The following TPTE variants were observed in gnomAD, a reference collection of about 807,000 sequenced individuals.
TPTE encodes the protein transmembrane phosphatase with tensin homology, also known as putative tyrosine-protein phosphatase TPTE.
TPTE carries 59 observed loss-of-function variants against 84.1 expected under a neutral mutation model. That is an observed-to-expected ratio of 0.70 (90% CI 0.57 to 0.87). The LOEUF (loss-of-function observed/expected upper bound fraction) is 0.87. Ranked by LOEUF, TPTE falls within the 40% of genes least tolerant of loss-of-function variation. The probability of loss-of-function intolerance (pLI) is 0.00; values close to 1 mark genes in which losing one functional copy is unlikely to be tolerated. For synonymous variants in TPTE, 130 were observed against 223.5 expected (o/e 0.58, Z 3.73); for missense variants, 382 against 659.6 (o/e 0.58, Z 4.61).
At chr21:10,525,574 A>G (rs1269046330) in intron 2 of TPTE, among the ~76,000 whole-genome samples, 1 of 152,312 alleles carries the variant, frequency 6.6e-6, no homozygotes, top group Non-Finnish European at 1.5e-5. Flanking sequence ...TCGGAGACCT[A>G]CTTTTCATTA....
At chr21:10,597,849 G>C (rs1261734114) in intron 20 of TPTE, among the ~76,000 whole-genome samples, 166 bp from the exon 21 acceptor site, 1 of 152,308 alleles carries the variant, frequency 6.6e-6, no homozygotes, top group Non-Finnish European at 1.5e-5. Flanking sequence ...TGGGCTTGAA[G>C]GCTTGTCTTT....
At chr21:10,589,386 T>G (rs1463064955) in intron 17 of TPTE, among the ~76,000 whole-genome samples, 2 of 152,304 alleles carry the variant, frequency 1.3e-5, no homozygotes, top group African/African-American at 2.4e-5. Context: ...GGCTGTGTAC[T>G]TCATCCTTGT....
At chr21:10,584,879 AGTGTGTGTGTGTGTGTGTGT>A (rs56198162) in intron 17 of TPTE, among the ~76,000 whole-genome samples, 5 of 148,852 alleles carry the variant, frequency 3.4e-5, no homozygotes, top group African/African-American at 4.9e-5. Flanking sequence ...ATGCTTTACG[AGTGTGTGTGTGTGTGTGTGT>A]GTGTGTGTGT....
intron 20 of TPTE, 71 bp from the exon 21 acceptor site, chr21:10,597,944 T>C (rs2145794310): frequency 6.4e-7 from 1 of 1,559,904 alleles, no homozygotes; most frequent in African/African-American, 1.4e-5. Flanking sequence ...TAATCCATGA[T>C]GTTAATTGGT....
intron 10 of TPTE, among the ~76,000 whole-genome samples, chr21:10,562,317 A>T (rs1212083596): frequency 1.9e-4 from 29 of 152,290 alleles, no homozygotes; most frequent in Non-Finnish European, 1.3e-4. Flanking sequence ...AGTGAAAACT[A>T]CAATCAATAC....
At chr21:10,554,338 A>C (rs990059856) in intron 8 of TPTE, among the ~76,000 whole-genome samples, 2 of 152,308 alleles carry the variant, frequency 1.3e-5, no homozygotes, top group Non-Finnish European at 2.9e-5. Flanking sequence ...TTTGCTTGTT[A>C]TAAATTCTCA....
chr21:10,566,173 ATAATC>A (rs2074917449), intron 10 of TPTE, among the ~76,000 whole-genome samples: 1 of 152,306 alleles, frequency 6.6e-6, no homozygotes, highest in African/African-American at 2.4e-5. Flanking sequence ...AAAAAATCTA[ATAATC>A]TAATCTTTTA....
chr21:10,560,691 T>C (rs372125215), intron 9 of TPTE, among the ~76,000 whole-genome samples: 894 of 152,024 alleles, frequency 5.9e-3, no homozygotes, highest in Non-Finnish European at 9.6e-3. Flanking sequence ...ATAAACTTCT[T>C]ATGAAATTCG....
chr21:10,586,918 A>G (rs1479425407), intron 17 of TPTE, among the ~76,000 whole-genome samples: 1 of 152,310 alleles, frequency 6.6e-6, no homozygotes, highest in Non-Finnish European at 1.5e-5. Context: ...CCAGGCTTTA[A>G]AGAAAATGCT....
chr21:10,576,843 ATATAT>A (rs2075163347), intron 14 of TPTE, among the ~76,000 whole-genome samples: 2 of 1,264 alleles, frequency 1.6e-3, no homozygotes. Context: ...ATATACATAT[ATATAT>A]ATATATATAT....
At chr21:10,555,123 G>A (rs1600893731) in intron 8 of TPTE, among the ~76,000 whole-genome samples, 2 of 152,420 alleles carry the variant, frequency 1.3e-5, no homozygotes, top group Middle Eastern at 6.8e-3. Context: ...AGTCATTCAT[G>A]TTCATAGTTA....
chr21:10,580,297 C>A (rs530905679), intron 17 of TPTE, among the ~76,000 whole-genome samples: 41 of 152,346 alleles, frequency 2.7e-4, no homozygotes, highest in Admixed American at 2.6e-3. Flanking sequence ...TTCTCCCATT[C>A]TGTAGGTTGT....
At chr21:10,587,965 C>T (rs7282532) in intron 17 of TPTE, among the ~76,000 whole-genome samples, 4,853 of 138,898 alleles carry the variant, frequency 0.035, no homozygotes, top group East Asian at 0.11. Flanking sequence ...TCTCCTGCCT[C>T]AGCCTTCTGA....
chr21:10,587,211 C>T (rs2145760699), intron 17 of TPTE, among the ~76,000 whole-genome samples: 1 of 152,420 alleles, frequency 6.6e-6, no homozygotes, highest in South Asian at 2.1e-4. Flanking sequence ...TCTTTTTGAG[C>T]TTAGATTTTT....
chr21:10,538,684 A>G lies in TPTE; in HGVS notation c.-40A>G. 6.2e-7 allele frequency: 1 copy of G among 1,614,070 alleles called. No homozygotes were observed. The highest frequency in any genetic ancestry group is 1.3e-5 in the African/African-American group (1 of 75,080). ...ATATTCTTTTGACATCCTCTAGTCCACCCACAAATGAATTATCAGGAGTGA... is the reference window on the plus strand; with the variant it reads ...ATATTCTTTTGACATCCTCTAGTCCGCCCACAAATGAATTATCAGGAGTGA... On this transcript the variant is annotated 5_prime_UTR_variant, in exon 4 of 24. Coordinates refer to ENST00000618007, the MANE Select transcript of TPTE (RefSeq NM_199261.4).
At chr21:10,540,263 AC>A (rs1365330617) in intron 4 of TPTE, among the ~76,000 whole-genome samples, 1 of 152,310 alleles carries the variant, frequency 6.6e-6, no homozygotes, top group Non-Finnish European at 1.5e-5. Context: ...ATGCATTCGT[AC>A]ACACAAGAGA....
intron 10 of TPTE, among the ~76,000 whole-genome samples, chr21:10,566,876 C>T (rs1477843694): frequency 6.6e-6 from 1 of 152,214 alleles, no homozygotes; most frequent in African/African-American, 2.4e-5. Context: ...ACTCGTGAGG[C>T]TGAGGCAGGA....
intron 1 of TPTE, among the ~76,000 whole-genome samples, chr21:10,522,490 G>A (rs751233249): frequency 6.6e-5 from 10 of 152,306 alleles, no homozygotes; most frequent in Admixed American, 5.9e-4. Context: ...CCCCAGCGAT[G>A]CCCCGGGAAG....
chr21:10,542,357 T>C (rs1201251907), intron 5 of TPTE, 38 bp from the exon 6 acceptor site: 1 of 1,605,890 alleles, frequency 6.2e-7, no homozygotes, highest in Admixed American at 1.7e-5. Flanking sequence ...TTCAGAATTA[T>C]GTCTCCTCTC....
Sources: allele counts gnomAD v4.1 joint callset (sites outside exome capture counted in the v4.1 genomes callset), GRCh38; gene constraint gnomAD v4.1.1; transcripts MANE v1.5; gene names NCBI Gene and HGNC (gene_info 2026-07-23, HGNC 2026-07-21).